OLFM2: variants seen among roughly 807,000 people sequenced by gnomAD.
OLFM2 encodes the protein olfactomedin 2, also known as noelin-2.
Under a neutral mutation model 43.9 loss-of-function variants are expected in OLFM2, and 20 were observed. The observed-to-expected ratio is 0.46, with a 90% CI of 0.32 to 0.66. The LOEUF is 0.66. Among genes scored for constraint, OLFM2 ranks in the 30% least tolerant of loss-of-function variants. The probability of loss-of-function intolerance (pLI) is 0.04; values close to 1 mark genes in which losing one functional copy is unlikely to be tolerated. For synonymous variants in OLFM2, 268 were observed against 278.6 expected, an observed-to-expected ratio of 0.96 and a Z score of 0.38; for missense variants, 416 against 643.6, an observed-to-expected ratio of 0.65 and a Z score of 3.83.
chr19:9,901,368 G>C (rs2046737982), intron 1 of OLFM2, among the ~76,000 whole-genome samples: 1 of 152,158 alleles, frequency 6.6e-6, no homozygotes, highest in Non-Finnish European at 1.5e-5. Context: ...AGAGGTTGCA[G>C]TGAGCTGAGA....
At chr19:9,919,387 C>T (rs1015479830) in intron 1 of OLFM2, among the ~76,000 whole-genome samples, 3 of 152,018 alleles carry the variant, frequency 2.0e-5, no homozygotes, top group Non-Finnish European at 2.9e-5. Flanking sequence ...AGGATGGTCT[C>T]GATCTCCTGA....
chr19:9,899,768 G>T (rs1352144580), intron 1 of OLFM2, among the ~76,000 whole-genome samples: 1 of 151,732 alleles, frequency 6.6e-6, no homozygotes, highest in Non-Finnish European at 1.5e-5. Flanking sequence ...GCCCAGTCTG[G>T]TCTTGAACTC....
chr19:9,865,413 C>T (rs62105757), intron 1 of OLFM2, among the ~76,000 whole-genome samples: 28,869 of 150,386 alleles, frequency 0.19, 3,169 homozygotes, highest in South Asian at 0.27. Context: ...TGGGCTCAAG[C>T]GATCCTCCTG....
rs1450395215 is a variant in OLFM2, at chr19:9,854,038, A to C, written c.*148T>G. Reference sequence around the variant, plus strand: ...AAATTGAAAAAATAGACAGAAATACATAGGCAGAGAACAAAAGCCCAGCAA... The same window carrying C: ...AAATTGAAAAAATAGACAGAAATACCTAGGCAGAGAACAAAAGCCCAGCAA... On this transcript the variant is annotated 3_prime_UTR_variant, in exon 6 of 6. Transcript: ENST00000264833. This position sits in a 1 kb window ranked among gnomAD's most constrained non-coding sequence, Gnocchi z 9.5. 1 of 662,858 alleles carries C rather than the reference A, an allele frequency of 1.5e-6. No individual in the cohort carries two copies. Among genetic ancestry groups the C allele is most frequent in the Non-Finnish European group, 2.6e-6 (1 of 386,906 alleles). The allele number at this position is 662,858 out of a possible 1,614,324, so 41.1% of individuals were successfully genotyped here. A position where few individuals can be genotyped will look rare whatever the true frequency, so the allele number is the denominator to read the frequency against.
chr19:9,858,079 C>T, intron 2 of OLFM2: 1 of 621,766 alleles, frequency 1.6e-6, no homozygotes, highest in Non-Finnish European at 2.9e-6. Flanking sequence ...ATCTGGTCCA[C>T]CTACCACCAC....
At chr19:9,922,872 C>T (rs2145004348) in intron 1 of OLFM2, among the ~76,000 whole-genome samples, 1 of 140,096 alleles carries the variant, frequency 7.1e-6, no homozygotes, top group South Asian at 2.2e-4. Flanking sequence ...GATCGTGCCA[C>T]AGCACTCCAG....
chr19:9,910,907 A>C (rs73018067), intron 1 of OLFM2, among the ~76,000 whole-genome samples: 23,851 of 152,066 alleles, frequency 0.16, 2,068 homozygotes, highest in African/African-American at 0.23. Flanking sequence ...TGGGTAGATG[A>C]AATAATTGAT....
chr19:9,918,345 C>T (rs751487342), intron 1 of OLFM2, among the ~76,000 whole-genome samples: 17 of 152,156 alleles, frequency 1.1e-4, no homozygotes, highest in South Asian at 8.3e-4. Flanking sequence ...GGCACACCAC[C>T]GTGCCCAGCT....
intron 1 of OLFM2, among the ~76,000 whole-genome samples, chr19:9,899,062 C>T (rs762081709): frequency 6.6e-6 from 1 of 152,018 alleles, no homozygotes; most frequent in Non-Finnish European, 1.5e-5. Context: ...GTCAGGAGTT[C>T]GAGACCAGCC....
chr19:9,861,951 C>T (rs1599466540), intron 1 of OLFM2, among the ~76,000 whole-genome samples: 1 of 148,416 alleles, frequency 6.7e-6, no homozygotes. Context: ...ACTTGGGAGG[C>T]GGAGGTTGCA....
At chr19:9,888,998 A>G (rs1460067136) in intron 1 of OLFM2, among the ~76,000 whole-genome samples, 3 of 151,506 alleles carry the variant, frequency 2.0e-5, no homozygotes, top group Non-Finnish European at 4.4e-5. Context: ...GCCGGGAGGC[A>G]GAGGTTGCAG....
At chr19:9,929,864 C>A (rs530436564) in intron 1 of OLFM2, among the ~76,000 whole-genome samples, 2 of 151,976 alleles carry the variant, frequency 1.3e-5, no homozygotes, top group South Asian at 4.2e-4. Context: ...ACATGGAGAA[C>A]CCTCGTCTCT....
At chr19:9,933,193 C>A (rs2086494288) in intron 1 of OLFM2, among the ~76,000 whole-genome samples, 1 of 152,162 alleles carries the variant, frequency 6.6e-6, no homozygotes, top group African/African-American at 2.4e-5. Flanking sequence ...CTTAGAGACA[C>A]CTTCCCTGAC....
intron 1 of OLFM2, among the ~76,000 whole-genome samples, chr19:9,899,658 C>G: frequency 6.6e-6 from 1 of 152,036 alleles, no homozygotes; most frequent in East Asian, 1.9e-4. Context: ...CCCCAGTGAT[C>G]CTCCCATTTC....
chr19:9,935,383 A>C (rs2145017028), intron 1 of OLFM2, among the ~76,000 whole-genome samples: 1 of 152,202 alleles, frequency 6.6e-6, no homozygotes, highest in Non-Finnish European at 1.5e-5. Context: ...TGGACGCCCC[A>C]CATTTTGCAA....
At chr19:9,919,141 A>G (rs2086403405) in intron 1 of OLFM2, among the ~76,000 whole-genome samples, 1 of 151,834 alleles carries the variant, frequency 6.6e-6, no homozygotes, top group African/African-American at 2.4e-5. Context: ...GTTTGAGACC[A>G]GCCTGGGCAA....
chr19:9,867,452 G>A lies in OLFM2; in HGVS notation c.64-6658C>T, dbSNP rs529123861. On this transcript the variant is annotated intron_variant, in intron 1 of 5. Coordinates refer to ENST00000264833, the MANE Select transcript of OLFM2 (RefSeq NM_058164.4). The stretch of plus-strand genomic sequence containing the variant: ...CGGAGGCATTGCTACAGGGTCCTGG[G>A]GACAGGAGAAGCATTGGCTATCAGG... 2.6e-5 allele frequency among the ~76,000 whole-genome samples: 4 copies of A among 152,272 alleles called. No individual in the cohort carries two copies. The South Asian group carries it at 8.3e-4, about 32-fold the overall frequency.
intron 1 of OLFM2, among the ~76,000 whole-genome samples, chr19:9,891,761 C>A (rs1315393762): frequency 6.6e-6 from 1 of 152,162 alleles, no homozygotes; most frequent in Non-Finnish European, 1.5e-5. Context: ...GACTTGGGGG[C>A]TGTTTTGTTA....
intron 1 of OLFM2, among the ~76,000 whole-genome samples, chr19:9,935,144 T>C (rs2086507784): frequency 2.0e-5 from 3 of 152,158 alleles, no homozygotes; most frequent in South Asian, 4.1e-4. Context: ...AACAATACCA[T>C]GCTCTAGTAG....
Sources: gnomAD v4.1 joint callset for allele counts (sites outside exome capture counted in the v4.1 genomes callset) on GRCh38, gnomAD v4.1.1 for gene constraint, Gnocchi (gnomAD v3.1) non-coding constraint, MANE v1.5 for transcripts, NCBI Gene and HGNC (gene_info 2026-07-23, HGNC 2026-07-21) for gene names.